CC2D2B: variants seen among roughly 807,000 people sequenced by gnomAD.
The protein encoded by CC2D2B is coiled-coil and C2 domain containing 2B.
A neutral mutation model predicts 161.2 loss-of-function variants in CC2D2B; 128 were observed. That is an observed-to-expected ratio of 0.79 (90% CI 0.69 to 0.92). The LOEUF (loss-of-function observed/expected upper bound fraction) is 0.92, where lower values mean the gene tolerates loss of function less well. CC2D2B is among the 40% of genes least tolerant of loss of function. The pLI is 0.00. For synonymous variants in CC2D2B, 391 were observed against 449.8 expected (o/e 0.87, Z 1.65); for missense variants, 1,173 against 1,375.1 (o/e 0.85, Z 2.32).
At position 96,019,322 on chromosome 10, in the gene CC2D2B, G is replaced by C. The variant is rs566161568; in HGVS notation, c.3750G>C (p.Leu1250Phe). Residue 1250 changes from leucine to phenylalanine, a missense_variant, in exon 31 of 35, where the codon TTG becomes TTC. By Grantham distance (22) the Leu-to-Phe change is conservative. Transcript: ENST00000646931. ...PFCPLKSVDC[L>F]FDDRNVWFNI... The stretch of plus-strand genomic sequence containing the variant: ...GTCCCTTAAAAAGTGTAGATTGTTT[G>C]TTTGATGATAGAAATGTAAGTATAT... 6.2e-7 allele frequency: 1 copy of C among 1,609,308 alleles called. No homozygotes were observed. The highest frequency in any genetic ancestry group is 1.7e-5 in the Admixed American group (1 of 58,830).
intron 25 of CC2D2B, among the ~76,000 whole-genome samples, chr10:96,005,987 A>G (rs2141819110): frequency 6.6e-6 from 1 of 152,214 alleles, no homozygotes; most frequent in East Asian, 1.9e-4. Context: ...TCTGGTTTCT[A>G]ACTTTATCCA....
intron 34 of CC2D2B, among the ~76,000 whole-genome samples, chr10:96,027,703 C>A (rs1045648693): frequency 7.9e-5 from 12 of 152,082 alleles, no homozygotes; most frequent in African/African-American, 2.9e-4. Flanking sequence ...AGCAAAAAAA[C>A]CCACAAAACT....
At position 95,972,172 on chromosome 10, in the gene CC2D2B, G is replaced by C; in HGVS notation, c.1751G>C (p.Ser584Thr). The change falls in exon 16 of 35, where the codon AGC (serine) becomes ACC (threonine). Residue 584 changes from serine (S) to threonine (T), a missense_variant. By Grantham distance (58) the Ser-to-Thr change is moderately conservative. Around this residue, in one of 3 missense-constraint regions of CC2D2B, gnomAD observed 277 missense variants for 420.6 expected, o/e 0.66. Transcript: ENST00000646931. The part of the protein sequence containing the change: ...GKTALQYVEF[S>T]SDKLVMPADG... Reference sequence around the variant, plus strand: ...ACCGCTTTGCAATATGTAGAGTTTAGCTCTGATAAGCTGGTCATGCCTGCC... The same window carrying C: ...ACCGCTTTGCAATATGTAGAGTTTACCTCTGATAAGCTGGTCATGCCTGCC... The C allele has an allele frequency of 1.6e-6, 2 of 1,232,010 alleles. No homozygotes were observed. Among genetic ancestry groups the C allele is most frequent in the Non-Finnish European group, 2.0e-6 (2 of 987,892 alleles). 76.3% of individuals were successfully genotyped at this position (1,232,010 alleles called of 1,614,324 possible).
At chr10:95,923,731 A>C (rs1223132677) in intron 3 of CC2D2B, among the ~76,000 whole-genome samples, 1 of 152,140 alleles carries the variant, frequency 6.6e-6, no homozygotes, top group Non-Finnish European at 1.5e-5. Context: ...TTTAAAAAAG[A>C]GGGCTGGGCG....
chr10:95,958,028 G>A (rs1346791627), intron 11 of CC2D2B, among the ~76,000 whole-genome samples: 1 of 148,932 alleles, frequency 6.7e-6, no homozygotes, highest in African/African-American at 2.5e-5. Context: ...CAACTCAAAG[G>A]AAAAGAATAA....
chr10:95,992,692 T>A lies in CC2D2B; in HGVS notation c.2637T>A (p.Ile879=). The A allele has an allele frequency of 8.1e-7, 1 of 1,233,990 alleles. No individual in the cohort carries two copies. Among genetic ancestry groups the A allele is most frequent in the Non-Finnish European group, 1.0e-6 (1 of 987,896 alleles). 76.4% of individuals were successfully genotyped at this position (1,233,990 alleles called of 1,614,324 possible). The change falls in exon 22 of 35, where the codon ATT becomes ATA. Residue 879 remains isoleucine, a synonymous_variant. Coordinates refer to ENST00000646931, the MANE Select transcript of CC2D2B (RefSeq NM_001349008.3). ...ATATTCCTACCAGAAAAACAACAAT[T>A]AATGGGTAAGGCAATATGCCCCAAT... ...AYNIPTRKTT[I]NGSLDMPTCL...
At chr10:95,990,974 T>C (rs1195058217) in intron 20 of CC2D2B, among the ~76,000 whole-genome samples, 3 of 152,322 alleles carry the variant, frequency 2.0e-5, no homozygotes, top group South Asian at 2.1e-4. Context: ...TCAAAATTCC[T>C]TGGGTTTGTA....
Position 95,927,349 on chromosome 10 carries a change from T to A in CC2D2B, c.336+17T>A. On this transcript the variant is annotated intron_variant, in intron 6 of 34. Coordinates refer to ENST00000646931, the MANE Select transcript of CC2D2B (RefSeq NM_001349008.3). ...TCAGAGCAGGTTGGATTTGTTTGCC[T>A]CCCTCCCACCATCTCACTCTCAGGA... 7.3e-7 allele frequency: 1 copy of A among 1,361,356 alleles called. No individual in the cohort carries two copies. Among genetic ancestry groups the A allele is most frequent in the African/African-American group, 1.4e-5 (1 of 69,300 alleles). 84.3% of individuals were successfully genotyped at this position (1,361,356 alleles called of 1,614,324 possible).
intron 11 of CC2D2B, among the ~76,000 whole-genome samples, chr10:95,960,774 A>G (rs187859477): frequency 8.5e-5 from 13 of 152,260 alleles, no homozygotes; most frequent in African/African-American, 2.9e-4. Flanking sequence ...TTGGCCTCTA[A>G]AATGCTGAGA....
In CC2D2B at chr10:95,968,804, G is replaced by C. The variant is rs2077026882; in HGVS notation, c.1547G>C (p.Cys516Ser). ...KIFYNNKQVS[C>S]TSVSPLQFDF... ...TTTTACAACAATAAACAGGTTTCTT[G>C]TACTTCAGTATCTCCCCTACAGTTT... Residue 516 changes from cysteine to serine, a missense_variant, in exon 15 of 35, where the codon TGT becomes TCT. Physicochemically the swap from Cys to Ser is moderately radical, Grantham distance 112. Coordinates refer to ENST00000646931, the MANE Select transcript of CC2D2B (RefSeq NM_001349008.3). The C allele has an allele frequency of 2.5e-6, 3 of 1,202,880 alleles. No individual in the cohort carries two copies. The highest frequency in any genetic ancestry group is 3.1e-6 in the Non-Finnish European group (3 of 961,688). 74.5% of individuals were successfully genotyped at this position (1,202,880 alleles called of 1,614,324 possible). A position where few individuals can be genotyped will look rare whatever the true frequency, so the allele number is the denominator to read the frequency against.
At chr10:95,970,284 T>C (rs2077080293) in intron 15 of CC2D2B, among the ~76,000 whole-genome samples, 1 of 152,140 alleles carries the variant, frequency 6.6e-6, no homozygotes, top group Admixed American at 6.6e-5. Flanking sequence ...TCTGCCTGCC[T>C]CAGCCTCCCA....
At chr10:96,029,836 G>C (rs758869153) in intron 34 of CC2D2B, among the ~76,000 whole-genome samples, 1 of 150,544 alleles carries the variant, frequency 6.6e-6, no homozygotes, top group African/African-American at 2.4e-5. Flanking sequence ...TTTGCGACGA[G>C]GTCTCACTTT....
chr10:95,972,615 T>C (rs911709711), intron 16 of CC2D2B, among the ~76,000 whole-genome samples: 1 of 152,214 alleles, frequency 6.6e-6, no homozygotes, highest in Non-Finnish European at 1.5e-5. Context: ...CACCTGGCCC[T>C]GTGTTTATTC....
At chr10:95,979,123 T>C (rs570741072) in intron 17 of CC2D2B, among the ~76,000 whole-genome samples, 20 of 152,252 alleles carry the variant, frequency 1.3e-4, no homozygotes, top group South Asian at 1.2e-3. Flanking sequence ...TCATTTTGAC[T>C]TGAAGAACTT....
chr10:95,928,988 T>TCCACAATGGTGGAAGACACTC (rs1300081496), intron 6 of CC2D2B, among the ~76,000 whole-genome samples: 2 of 152,148 alleles, frequency 1.3e-5, no homozygotes, highest in African/African-American at 2.4e-5. Flanking sequence ...CACACTGTCT[T>TCCACAATGGTGGAAGACACTC]CCACAATGGT....
At chr10:95,927,541 C>T (rs1564587215) in intron 6 of CC2D2B, among the ~76,000 whole-genome samples, 1 of 152,030 alleles carries the variant, frequency 6.6e-6, no homozygotes, top group Non-Finnish European at 1.5e-5. Flanking sequence ...GTTTTTAACA[C>T]GAATTGTAGC....
chr10:95,934,865 GTTTGTTTTGTTTTGT>G (rs59255321), intron 6 of CC2D2B, among the ~76,000 whole-genome samples: 1 of 150,738 alleles, frequency 6.6e-6, no homozygotes, highest in African/African-American at 2.4e-5. Flanking sequence ...TTTTTTGTTT[GTTTGTTTTGTTTTGT>G]TTTGTTTTGA....
At chr10:95,941,015 A>G (rs2076003152) in intron 9 of CC2D2B, among the ~76,000 whole-genome samples, 2 of 152,248 alleles carry the variant, frequency 1.3e-5, no homozygotes, top group African/African-American at 4.8e-5. Flanking sequence ...ATGGAACAGA[A>G]TGAAGAGCCC....
chr10:95,966,640 T>C (rs2076950299), intron 14 of CC2D2B, among the ~76,000 whole-genome samples: 1 of 152,112 alleles, frequency 6.6e-6, no homozygotes, highest in South Asian at 2.1e-4. Context: ...TTTTTTGTTT[T>C]GTTTTGCTAT....
Sources: allele counts gnomAD v4.1 joint callset (sites outside exome capture counted in the v4.1 genomes callset), GRCh38; gene constraint gnomAD v4.1.1; regional missense constraint gnomAD v4.1.1; transcripts MANE v1.5; gene names NCBI Gene and HGNC (gene_info 2026-07-23, HGNC 2026-07-21).